The following HECW1 variants were observed in gnomAD, a reference collection of about 807,000 sequenced individuals.
HECW1 encodes E3 ubiquitin-protein ligase HECW1.
A neutral mutation model predicts 182.3 loss-of-function variants in HECW1; 61 were observed. That is an observed-to-expected ratio of 0.33 (90% CI 0.27 to 0.41). The LOEUF (loss-of-function observed/expected upper bound fraction) is 0.41, where lower values mean the gene tolerates loss of function less well. Among genes scored for constraint, HECW1 ranks in the 10% least tolerant of loss-of-function variants. The pLI is 1.00. For missense variants in HECW1, 1,739 were observed against 2,108.9 expected, an observed-to-expected ratio of 0.82 and a Z score of 3.44; for synonymous variants, 859 against 832.6, an observed-to-expected ratio of 1.03 and a Z score of -0.55.
intron 2 of HECW1, among the ~76,000 whole-genome samples, chr7:43,179,799 T>C (rs1792634023): frequency 6.6e-6 from 1 of 152,206 alleles, no homozygotes; most frequent in South Asian, 2.1e-4. Context: ...CAGTGTTATA[T>C]AAAAGAGCCT....
chr7:43,163,300 T>G (rs980218352), intron 2 of HECW1: 2 of 152,260 alleles, frequency 1.3e-5, no homozygotes, highest in South Asian at 4.1e-4. Flanking sequence ...CACCTTGGGT[T>G]GGATTGCGAA....
chr7:43,258,141 A>C (rs1377333433), intron 3 of HECW1, among the ~76,000 whole-genome samples: 1 of 152,086 alleles, frequency 6.6e-6, no homozygotes, highest in African/African-American at 2.4e-5. Flanking sequence ...TGAGTTTGAG[A>C]CCAGCCTGGC....
At chr7:43,399,715 G>C (rs34787294) in intron 7 of HECW1, among the ~76,000 whole-genome samples, 25,288 of 152,098 alleles carry the variant, frequency 0.17, 2,658 homozygotes, top group Non-Finnish European at 0.24. Flanking sequence ...AGGTGATCAG[G>C]GTTGGTTCAT....
At chr7:43,181,147 G>C (rs1467616572) in intron 2 of HECW1, among the ~76,000 whole-genome samples, 1 of 150,770 alleles carries the variant, frequency 6.6e-6, no homozygotes, top group Non-Finnish European at 1.5e-5. Context: ...ATGTCCTCCA[G>C]GTTCATCCAT....
intron 5 of HECW1, among the ~76,000 whole-genome samples, chr7:43,322,680 C>T (rs997329150): frequency 6.6e-6 from 1 of 152,138 alleles, no homozygotes; most frequent in African/African-American, 2.4e-5. Context: ...ATGGCTCCAG[C>T]AAGTGGTACC....
chr7:43,134,887 T>C (rs1187714852), intron 2 of HECW1, among the ~76,000 whole-genome samples: 3 of 152,226 alleles, frequency 2.0e-5, no homozygotes, highest in Non-Finnish European at 4.4e-5. Flanking sequence ...GGATTGTTTT[T>C]CTACTTGGGT....
chr7:43,418,484 T>C (rs1192008740), intron 8 of HECW1, among the ~76,000 whole-genome samples: 1 of 152,232 alleles, frequency 6.6e-6, no homozygotes, highest in African/African-American at 2.4e-5. Flanking sequence ...ATATGCTAGA[T>C]CTTCAGAGTC....
At chr7:43,465,640 A>G (rs2077739295) in intron 14 of HECW1, among the ~76,000 whole-genome samples, 2 of 152,210 alleles carry the variant, frequency 1.3e-5, no homozygotes, top group Non-Finnish European at 2.9e-5. Context: ...CGAAGTCCCA[A>G]TACAACTGGG....
At chr7:43,321,363 A>G (rs1053212843) in intron 5 of HECW1, among the ~76,000 whole-genome samples, 2 of 152,098 alleles carry the variant, frequency 1.3e-5, no homozygotes, top group African/African-American at 4.8e-5. Flanking sequence ...AAAATAAATC[A>G]TTATCAGAGT....
chr7:43,304,135 C>T (rs2152765211), intron 3 of HECW1, among the ~76,000 whole-genome samples: 1 of 152,242 alleles, frequency 6.6e-6, no homozygotes, highest in Non-Finnish European at 1.5e-5. Flanking sequence ...TAGGAGGTTT[C>T]TGCTTTTAGA....
intron 3 of HECW1, among the ~76,000 whole-genome samples, chr7:43,304,724 C>T (rs1807326909): frequency 6.6e-6 from 1 of 152,156 alleles, no homozygotes; most frequent in Non-Finnish European, 1.5e-5. Context: ...AAACTCCTGG[C>T]CTCAGGTGAT....
At chr7:43,419,618 CT>C (rs2076118025) in intron 8 of HECW1, among the ~76,000 whole-genome samples, 1 of 152,150 alleles carries the variant, frequency 6.6e-6, no homozygotes, top group African/African-American at 2.4e-5. Context: ...TCATGTTTAT[CT>C]CCATAGATCC....
At chr7:43,297,034 C>T (rs761884337) in intron 3 of HECW1, among the ~76,000 whole-genome samples, 7 of 152,232 alleles carry the variant, frequency 4.6e-5, no homozygotes, top group Non-Finnish European at 8.8e-5. Context: ...TAAAATATAG[C>T]TGCCTGGGCC....
chr7:43,115,994 C>T (rs556382656), intron 2 of HECW1, among the ~76,000 whole-genome samples: 1 of 152,262 alleles, frequency 6.6e-6, no homozygotes, highest in South Asian at 2.1e-4. Flanking sequence ...CATGTGTTCT[C>T]AGAAATGTTT....
chr7:43,365,429 G>T (rs1816512465), intron 6 of HECW1, among the ~76,000 whole-genome samples: 1 of 132,670 alleles, frequency 7.5e-6, no homozygotes, highest in Non-Finnish European at 1.6e-5. Context: ...CCACCAGCAT[G>T]CAGGGCAGGC....
chr7:43,235,636 G>A (rs1256640580), intron 2 of HECW1, among the ~76,000 whole-genome samples: 1 of 152,182 alleles, frequency 6.6e-6, no homozygotes, highest in African/African-American at 2.4e-5. Flanking sequence ...ATAACTTAAT[G>A]TGCAAAACTT....
intron 8 of HECW1, among the ~76,000 whole-genome samples, chr7:43,423,515 G>A (rs143134787): frequency 3.9e-4 from 60 of 152,298 alleles, no homozygotes; most frequent in Non-Finnish European, 5.4e-4. Context: ...AGTGTTCCTT[G>A]TACTTGTCTG....
intron 2 of HECW1, among the ~76,000 whole-genome samples, chr7:43,227,990 G>C (rs1418363386): frequency 6.6e-6 from 1 of 152,222 alleles, no homozygotes; most frequent in African/African-American, 2.4e-5. Flanking sequence ...GCTATCACAT[G>C]CTAGATGGGT....
At chr7:43,265,750 T>C (rs1562756802) in intron 3 of HECW1, among the ~76,000 whole-genome samples, 1 of 152,176 alleles carries the variant, frequency 6.6e-6, no homozygotes, top group Non-Finnish European at 1.5e-5. Context: ...CTGCTCCCAC[T>C]TCAGGCATCA....
Sources: gnomAD v4.1 joint callset for allele counts (sites outside exome capture counted in the v4.1 genomes callset) on GRCh38, gnomAD v4.1.1 for gene constraint, MANE v1.5 for transcripts, NCBI Gene and HGNC (gene_info 2026-07-23, HGNC 2026-07-21) for gene names.